Variants in DNM2 observed in about 807,000 individuals in gnomAD.
The protein encoded by DNM2 is dynamin-2.
Under a neutral mutation model 99.0 loss-of-function variants are expected in DNM2, and 15 were observed. The ratio of observed to expected loss-of-function variants is 0.15; its 90% confidence interval spans 0.10 to 0.23. The LOEUF is 0.23. Among genes scored for constraint, DNM2 ranks in the 10% least tolerant of loss-of-function variants. The probability of loss-of-function intolerance (pLI) is 1.00; values close to 1 mark genes in which losing one functional copy is unlikely to be tolerated. For missense variants in DNM2, 742 were observed against 1,189.4 expected (o/e 0.62, Z 5.53); for synonymous variants, 525 against 481.2 (o/e 1.09, Z -1.19).
Position 10,829,062 on chromosome 19 carries a change from G to A in DNM2, c.2085G>A (p.Leu695=). The A allele has an allele frequency of 6.2e-7, 1 of 1,613,584 alleles. No individual in the cohort carries two copies. Among genetic ancestry groups the A allele is most frequent in the Non-Finnish European group, 8.5e-7 (1 of 1,179,922 alleles). Residue 695 remains leucine (L), a synonymous_variant, in exon 19 of 21, where the codon CTG becomes CTA. Transcript: ENST00000389253. ...NNTKAFIHHE[L]LAYLYSSADQ... is the part of the protein sequence containing the mutation. ...CGAAGGCCTTCATCCACCACGAGCT[G>A]CTGGCCTACCTATACTCCTCGGCAG...
At chr19:10,736,313 A>G (rs1361128085) in intron 1 of DNM2, among the ~76,000 whole-genome samples, 1 of 151,868 alleles carries the variant, frequency 6.6e-6, no homozygotes, top group Admixed American at 6.6e-5. Context: ...GGGGTCTCAC[A>G]ATGTTGCCTA....
chr19:10,747,104 C>T (rs1050058639), intron 1 of DNM2, among the ~76,000 whole-genome samples: 2 of 151,624 alleles, frequency 1.3e-5, no homozygotes, highest in Admixed American at 6.6e-5. Context: ...TTTCAAACTC[C>T]TGGGCTCAAG....
chr19:10,737,071 C>T (rs1202363793), intron 1 of DNM2, among the ~76,000 whole-genome samples: 1 of 152,056 alleles, frequency 6.6e-6, no homozygotes, highest in Non-Finnish European at 1.5e-5. Context: ...TTGCTTGAAC[C>T]CAGGAATTTG....
intron 12 of DNM2, among the ~76,000 whole-genome samples, chr19:10,804,766 A>G (rs932143866): frequency 2.0e-5 from 3 of 152,212 alleles, no homozygotes; most frequent in African/African-American, 7.2e-5. Context: ...ATCACTGGAT[A>G]AAATTCTGCC....
chr19:10,735,201 C>T (rs150343986), intron 1 of DNM2, among the ~76,000 whole-genome samples: 44 of 152,068 alleles, frequency 2.9e-4, no homozygotes, highest in African/African-American at 1.0e-3. Context: ...CCACCATGCC[C>T]GGCTAATTTT....
chr19:10,822,649 G>A (rs1399033805), intron 16 of DNM2, among the ~76,000 whole-genome samples: 1 of 151,746 alleles, frequency 6.6e-6, no homozygotes, highest in African/African-American at 2.4e-5. Context: ...CAGGCATGCA[G>A]TACCACTCCC....
intron 14 of DNM2, 71 bp downstream of exon 14, chr19:10,808,651 A>G: frequency 6.5e-7 from 1 of 1,527,038 alleles, no homozygotes; most frequent in Non-Finnish European, 9.0e-7. Context: ...CCCACCCCTA[A>G]TATTCCCTGT....
chr19:10,778,019 TTTTATTTA>T (rs5827114), intron 5 of DNM2, among the ~76,000 whole-genome samples: 66 of 138,240 alleles, frequency 4.8e-4, no homozygotes, highest in South Asian at 1.2e-3. Context: ...TATTTTTTCA[TTTTATTTA>T]TTTATTTATT....
At chr19:10,718,470 G>T (rs774529657) in intron 1 of DNM2, 67 bp downstream of exon 1, 124 of 1,291,792 alleles carry the variant, frequency 9.6e-5, no homozygotes, top group Admixed American at 3.4e-4. Context: ...ACCGGGAATG[G>T]CGCGCCGTGC....
chr19:10,806,107 AG>A (rs1449549642), intron 13 of DNM2, 140 bp downstream of exon 13: 14 of 1,027,708 alleles, frequency 1.4e-5, no homozygotes, highest in Non-Finnish European at 2.0e-5. Context: ...CTCTCTCTAG[AG>A]GCCACTTAGG....
intron 11 of DNM2, among the ~76,000 whole-genome samples, chr19:10,798,827 A>G (rs909051755): frequency 6.6e-6 from 1 of 151,648 alleles, no homozygotes; most frequent in Non-Finnish European, 1.5e-5. Flanking sequence ...TCATGCTGAC[A>G]GCTGCATATG....
chr19:10,741,551 CTT>C (rs561257287), intron 1 of DNM2, among the ~76,000 whole-genome samples: 37 of 134,954 alleles, frequency 2.7e-4, no homozygotes, highest in Admixed American at 4.4e-4. Context: ...ATATTTCTTT[CTT>C]TTTTTTTTTT....
At chr19:10,806,103 C>A in intron 13 of DNM2, 136 bp downstream of exon 13, 1 of 1,053,564 alleles carries the variant, frequency 9.5e-7, no homozygotes, top group Non-Finnish European at 1.4e-6. Flanking sequence ...TCTGCTCTCT[C>A]TAGAGGCCAC....
chr19:10,724,367 T>C (rs193225208), intron 1 of DNM2, among the ~76,000 whole-genome samples: 2,095 of 152,138 alleles, frequency 0.014, 19 homozygotes, highest in Admixed American at 0.019. Context: ...TTAGTAGAGA[T>C]GGAGTTTCAC....
chr19:10,809,457 C>T (rs1172098978), intron 14 of DNM2: 2 of 152,326 alleles, frequency 1.3e-5, no homozygotes, highest in African/African-American at 4.8e-5. Flanking sequence ...CGAGATGAAT[C>T]ATATTTGCTG....
chr19:10,731,786 C>CCTT (rs2069329654), intron 1 of DNM2, among the ~76,000 whole-genome samples: 1 of 152,306 alleles, frequency 6.6e-6, no homozygotes, highest in South Asian at 2.1e-4. Context: ...ACTGAGTTCC[C>CCTT]CGTTGTCTGG....
At chr19:10,730,799 G>A (rs575532785) in intron 1 of DNM2, among the ~76,000 whole-genome samples, 5 of 152,310 alleles carry the variant, frequency 3.3e-5, no homozygotes, top group African/African-American at 1.2e-4. Flanking sequence ...GGCAACCTGC[G>A]GGGTGCCCCC....
intron 14 of DNM2, 74 bp downstream of exon 14, chr19:10,808,654 T>C (rs2072437243): frequency 6.6e-7 from 1 of 1,506,532 alleles, no homozygotes; most frequent in Non-Finnish European, 9.1e-7. Context: ...ACCCCTAATA[T>C]TCCCTGTTCC....
intron 1 of DNM2, among the ~76,000 whole-genome samples, chr19:10,723,990 C>T (rs1375443940): frequency 5.3e-5 from 8 of 151,616 alleles, no homozygotes; most frequent in East Asian, 3.9e-4. Flanking sequence ...AGGCTGAGGC[C>T]GGAGGATGGC....
Sources: gnomAD v4.1 joint callset for allele counts (sites outside exome capture counted in the v4.1 genomes callset) on GRCh38, gnomAD v4.1.1 for gene constraint, MANE v1.5 for transcripts, NCBI Gene and HGNC (gene_info 2026-07-23, HGNC 2026-07-21) for gene names.